The following KANSL1 variants were observed in gnomAD, a reference collection of about 807,000 sequenced individuals.
The protein encoded by KANSL1 is KAT8 regulatory NSL complex subunit 1, also known as MLL1/MLL complex subunit KANSL1.
Under a neutral mutation model 103.6 loss-of-function variants are expected in KANSL1, and 22 were observed. That is an observed-to-expected ratio of 0.21 (90% CI 0.15 to 0.30). KANSL1 has a LOEUF of 0.30. Ranked by LOEUF, KANSL1 falls within the 10% of genes least tolerant of loss-of-function variation. The pLI, the probability that KANSL1 is intolerant of heterozygous loss-of-function variation, is 1.00. For synonymous variants in KANSL1, 600 were observed against 527.6 expected (o/e 1.14, Z -1.88); for missense variants, 1,337 against 1,399.8 (o/e 0.96, Z 0.72).
intron 3 of KANSL1, chr17:46,093,158 G>C (rs1367555069): frequency 6.6e-6 from 1 of 152,174 alleles, no homozygotes; most frequent in East Asian, 1.9e-4. Flanking sequence ...AACAGACACT[G>C]AAGAGGTGTC....
At chr17:46,167,966 C>T (rs1405901991) in intron 2 of KANSL1, among the ~76,000 whole-genome samples, 1 of 152,196 alleles carries the variant, frequency 6.6e-6, no homozygotes, top group East Asian at 1.9e-4. Flanking sequence ...CCAACAGTCT[C>T]CTCTACTAAA....
chr17:46,098,728 G>A (rs2042182745), intron 2 of KANSL1, among the ~76,000 whole-genome samples: 1 of 152,236 alleles, frequency 6.6e-6, no homozygotes, highest in African/African-American at 2.4e-5. Flanking sequence ...TCTGTGATGT[G>A]ATGGTTTAGA....
chr17:46,103,455 A>G (rs2042403708), intron 2 of KANSL1, among the ~76,000 whole-genome samples: 2 of 152,336 alleles, frequency 1.3e-5, no homozygotes, highest in South Asian at 2.1e-4. Context: ...ATATACCAGT[A>G]TATTTTATAA....
Position 46,171,611 on chromosome 17 carries a change from C to T in KANSL1, c.533G>A (p.Gly178Glu), listed in dbSNP as rs1336417153. ...AGATGAAGTGAGAGCCCGTTTTCCC[C>T]CATTGAGGGAAGTGGAATTGTCATG... ...SDHDNSTSLN[G>E]GKRALTSSAL... Residue 178 changes from glycine to glutamate, a missense_variant, in exon 2 of 15, where the codon GGG becomes GAG. Transcript: ENST00000432791. The T allele has an allele frequency of 6.3e-7, 1 of 1,578,762 alleles. No individual in the cohort carries two copies. The highest frequency in any genetic ancestry group is 1.4e-5 in the African/African-American group (1 of 73,154).
At chr17:46,057,671 G>A (rs1240831279) in intron 6 of KANSL1, among the ~76,000 whole-genome samples, 1 of 152,100 alleles carries the variant, frequency 6.6e-6, no homozygotes, top group Non-Finnish European at 1.5e-5. Context: ...AAAAACAAGG[G>A]ACAGAAAAAC....
At chr17:46,111,748 C>T (rs2042818164) in intron 2 of KANSL1, among the ~76,000 whole-genome samples, 1 of 152,178 alleles carries the variant, frequency 6.6e-6, no homozygotes, top group African/African-American at 2.4e-5. Flanking sequence ...ACCAACTACA[C>T]ATTTGGGAAG....
At chr17:46,072,107 A>C (rs554908391) in intron 4 of KANSL1, among the ~76,000 whole-genome samples, 2 of 151,824 alleles carry the variant, frequency 1.3e-5, no homozygotes, top group East Asian at 3.9e-4. Flanking sequence ...TCTGGGCCAG[A>C]TCAAGTAAGC....
intron 1 of KANSL1, chr17:46,192,353 CG>C (rs1376626286): frequency 1.0e-4 from 15 of 150,616 alleles, no homozygotes; most frequent in African/African-American, 3.7e-4. Context: ...CATCTGAAAA[CG>C]TAAGTGACCT....
chr17:46,147,603 G>A (rs918504780), intron 2 of KANSL1, among the ~76,000 whole-genome samples: 4 of 148,192 alleles, frequency 2.7e-5, no homozygotes, highest in Middle Eastern at 3.4e-3. Flanking sequence ...AAAAGAGAGC[G>A]AGAGAGAAAG....
At chr17:46,162,400 ATCGGGGGC>A (rs2045787777) in intron 2 of KANSL1, among the ~76,000 whole-genome samples, 1 of 152,234 alleles carries the variant, frequency 6.6e-6, no homozygotes, top group Non-Finnish European at 1.5e-5. Flanking sequence ...ACAGAGCCTA[ATCGGGGGC>A]TCTACAAAGG....
intron 1 of KANSL1, among the ~76,000 whole-genome samples, chr17:46,176,848 T>C (rs1256070418): frequency 2.0e-5 from 3 of 152,064 alleles, no homozygotes; most frequent in Admixed American, 2.0e-4. Flanking sequence ...ATAGTGTAGT[T>C]ACTAAAACAA....
chr17:46,108,935 T>C (rs17577052), intron 2 of KANSL1, among the ~76,000 whole-genome samples: 21,655 of 151,962 alleles, frequency 0.14, 2,119 homozygotes, highest in Non-Finnish European at 0.22. Context: ...TGAAAACTAC[T>C]AACAAGATAT....
rs1272671932 is a variant in KANSL1 at position 46,030,244 on chromosome 17, T to A, written c.*1232A>T. On this transcript the variant is annotated 3_prime_UTR_variant, in exon 15 of 15. Coordinates refer to ENST00000432791, the MANE Select transcript of KANSL1 (RefSeq NM_015443.4). ...AGGGATATGGTGCATTATTGTATTT[T>A]TTTTTAAAGAAACAATGACAAACCC... 2.6e-5 allele frequency: 4 copies of A among 152,402 alleles called. No homozygotes were observed. Among genetic ancestry groups the A allele is most frequent in the Non-Finnish European group, 5.9e-5 (4 of 67,980 alleles). The allele number at this position is 152,402 out of a possible 1,614,324, so 9.4% of individuals were successfully genotyped here.
upstream of KANSL1, among the ~76,000 whole-genome samples, chr17:46,197,944 A>G (rs1330742661): frequency 2.0e-5 from 3 of 152,266 alleles, no homozygotes; most frequent in African/African-American, 7.2e-5. Context: ...TAATCTCAAA[A>G]GGACAATGAA....
In KANSL1 at chr17:46,170,764, A is replaced by C; in HGVS notation, c.1289+91T>G. On this transcript the variant is annotated intron_variant, in intron 2 of 14. Transcript: ENST00000432791. ...AACAGAACCTAGACACCTATGTACA[A>C]AGAATCACATTCTCTCCATAATGGC... The C allele has an allele frequency of 2.2e-6, 3 of 1,381,030 alleles. No homozygotes were observed. In the South Asian group the frequency reaches 4.0e-5, roughly 19 times the overall value. The allele number at this position is 1,381,030 out of a possible 1,614,324, so 85.5% of individuals were successfully genotyped here. A position where few individuals can be genotyped will look rare whatever the true frequency, so the allele number is the denominator to read the frequency against.
chr17:46,108,464 T>C (rs533510815), intron 2 of KANSL1, among the ~76,000 whole-genome samples: 1 of 152,360 alleles, frequency 6.6e-6, no homozygotes, highest in South Asian at 2.1e-4. Context: ...ACACCTTTCT[T>C]TCCCGCTTCC....
At chr17:46,080,312 T>TTAA (rs751125811) in intron 4 of KANSL1, among the ~76,000 whole-genome samples, 1 of 77,780 alleles carries the variant, frequency 1.3e-5, no homozygotes, top group Non-Finnish European at 2.6e-5. Context: ...GAGCCTGTCT[T>TTAA]AAAAAAAAAA....
chr17:46,040,371 T>G (rs955335837), intron 7 of KANSL1: 5 of 153,512 alleles, frequency 3.3e-5, no homozygotes, highest in African/African-American at 1.2e-4. Flanking sequence ...CCTCTGTGGC[T>G]CCGCCAATTC....
chr17:46,051,388 G>A (rs1226884551), intron 6 of KANSL1, among the ~76,000 whole-genome samples: 1 of 152,102 alleles, frequency 6.6e-6, no homozygotes, highest in Non-Finnish European at 1.5e-5. Flanking sequence ...ATTCCAAAGG[G>A]TAGAAATTAT....
Sources: gnomAD v4.1 joint callset for allele counts (sites outside exome capture counted in the v4.1 genomes callset) on GRCh38, gnomAD v4.1.1 for gene constraint, MANE v1.5 for transcripts, NCBI Gene and HGNC (gene_info 2026-07-23, HGNC 2026-07-21) for gene names.